Variants in CMIP observed in about 807,000 individuals in gnomAD.
CMIP encodes the protein c-Maf inducing protein, also known as C-Maf-inducing protein.
CMIP carries 13 observed loss-of-function variants against 97.3 expected under a neutral mutation model. The observed-to-expected ratio is 0.13, with a 90% confidence interval of 0.09 to 0.21. CMIP has a LOEUF of 0.21. CMIP is among the 10% of genes least tolerant of loss of function. The pLI is 1.00. For missense variants in CMIP, 847 were observed against 1,024.9 expected (o/e 0.83, Z 2.37); for synonymous variants, 538 against 436.3 (o/e 1.23, Z -2.91).
intron 1 of CMIP, among the ~76,000 whole-genome samples, chr16:81,563,354 G>A (rs894132164): frequency 6.6e-6 from 1 of 152,198 alleles, no homozygotes; most frequent in Non-Finnish European, 1.5e-5. Flanking sequence ...TCTGTTTTGT[G>A]GACTCCAGGC....
At chr16:81,651,562 A>C (rs888686252) in intron 3 of CMIP, 1 of 167,878 alleles carries the variant, frequency 6.0e-6, no homozygotes, top group Non-Finnish European at 1.2e-5. Context: ...CATGTTCCCT[A>C]GCTGACTACC....
At chr16:81,664,447 T>A in intron 7 of CMIP, 98 bp downstream of exon 7, 1 of 1,215,266 alleles carries the variant, frequency 8.2e-7, no homozygotes, top group Non-Finnish European at 1.2e-6. Context: ...TTGGGGAATG[T>A]GGTTGGCCCA....
At chr16:81,707,933 G>A (rs1295235475) in intron 20 of CMIP, among the ~76,000 whole-genome samples, 1 of 152,252 alleles carries the variant, frequency 6.6e-6, no homozygotes, top group African/African-American at 2.4e-5. Context: ...GGAATCCCCC[G>A]GCAGCCCTTG....
Position 81,614,126 on chromosome 16 carries a change from C to G in CMIP, c.426+6434C>G, listed in dbSNP as rs2091874765. On this transcript the variant is annotated intron_variant, in intron 2 of 20. Coordinates refer to ENST00000537098, the MANE Select transcript of CMIP (RefSeq NM_198390.3). This position sits in a 1 kb window ranked among gnomAD's most constrained non-coding sequence, Gnocchi z 5.3. Reference sequence around the variant, plus strand: ...CAGTCATTCTGGAGAAGTGGCATTTCAGGAGGGACCTGAAGTGTAAGTAGG... The same window carrying G: ...CAGTCATTCTGGAGAAGTGGCATTTGAGGAGGGACCTGAAGTGTAAGTAGG... Among the ~76,000 whole-genome samples, 1 of 152,078 alleles carries G rather than the reference C, an allele frequency of 6.6e-6. No individual in the cohort carries two copies. The highest frequency in any genetic ancestry group is 2.4e-5 in the African/African-American group (1 of 41,418).
intron 1 of CMIP, among the ~76,000 whole-genome samples, chr16:81,583,544 T>G (rs560834688): frequency 6.6e-6 from 1 of 152,306 alleles, no homozygotes; most frequent in South Asian, 2.1e-4. Context: ...AACTTGTCAA[T>G]AGAGTTTCTC....
In CMIP at chr16:81,645,560, C is replaced by T. The variant is rs1311257379; in HGVS notation, c.478-6643C>T. On this transcript the variant is annotated intron_variant, in intron 3 of 20. Coordinates refer to ENST00000537098, the MANE Select transcript of CMIP (RefSeq NM_198390.3). ...AGAACCCTGGCATATGTGCTTGCCT[C>T]TGCTGACAGTTGCCAGAGCGATGGC... The T allele has an allele frequency of 3.3e-6, 5 of 1,536,088 alleles. No homozygotes were observed. The South Asian group carries it at 3.6e-5, about 11-fold the overall frequency.
chr16:81,461,958 A>G lies in CMIP; in HGVS notation c.300+16417A>G, dbSNP rs536973440. Among the ~76,000 whole-genome samples, 7 of 152,324 alleles carry G rather than the reference A, an allele frequency of 4.6e-5. No homozygotes were observed. In the East Asian group the frequency reaches 1.4e-3, roughly 29 times the overall value. On this transcript the variant is annotated intron_variant, in intron 1 of 20. Coordinates refer to ENST00000537098, the MANE Select transcript of CMIP (RefSeq NM_198390.3). ...GCGGTGAGCTGCATAGGCAGTTCTC[A>G]TGGAGCTGGCTGCCCTCATAAAGAT...
intron 3 of CMIP, chr16:81,651,306 G>A (rs766502598): frequency 3.3e-5 from 13 of 399,898 alleles, no homozygotes; most frequent in Non-Finnish European, 4.4e-5. Context: ...CCAGACCTCC[G>A]CCTTCCGAGG....
At chr16:81,586,752 A>G (rs967422528) in intron 1 of CMIP, among the ~76,000 whole-genome samples, 7 of 152,118 alleles carry the variant, frequency 4.6e-5, no homozygotes, top group Non-Finnish European at 5.9e-5. Flanking sequence ...ACACATACAC[A>G]TGGAATTCTA....
intron 1 of CMIP, among the ~76,000 whole-genome samples, chr16:81,460,595 G>T (rs991945858): frequency 1.3e-5 from 2 of 152,244 alleles, no homozygotes; most frequent in Admixed American, 1.3e-4. Flanking sequence ...TGCTTCCCCT[G>T]TACGCTGCCC....
intron 3 of CMIP, among the ~76,000 whole-genome samples, chr16:81,629,631 G>A (rs2092126535): frequency 2.0e-5 from 3 of 152,330 alleles, no homozygotes; most frequent in African/African-American, 7.2e-5. Context: ...TGACCTTGCA[G>A]TTCTCCTCCG....
chr16:81,707,136 T>C, intron 20 of CMIP, 52 bp downstream of exon 20: 1 of 1,496,428 alleles, frequency 6.7e-7, no homozygotes. Flanking sequence ...CTAGCCAGCA[T>C]CTGGATGCTG....
intron 1 of CMIP, among the ~76,000 whole-genome samples, chr16:81,506,025 A>G (rs2089702922): frequency 6.6e-6 from 1 of 152,226 alleles, no homozygotes; most frequent in Admixed American, 6.5e-5. Context: ...CAGGAACAGT[A>G]AGAACTGCCG....
intron 1 of CMIP, among the ~76,000 whole-genome samples, chr16:81,598,691 G>A (rs978869206): frequency 1.3e-5 from 2 of 152,194 alleles, no homozygotes; most frequent in South Asian, 4.1e-4. Context: ...GTTCGGCTGG[G>A]CATGGTGGCT....
chr16:81,575,454 A>C lies in CMIP; in HGVS notation c.301-32113A>C, dbSNP rs8045241. ...GACACATGGCTACAGGGAGCAGAAA[A>C]CATTGTCCCGAGTCGAGTCCGTAGA... On this transcript the variant is annotated intron_variant, in intron 1 of 20. Coordinates refer to ENST00000537098, the MANE Select transcript of CMIP (RefSeq NM_198390.3). Among the ~76,000 whole-genome samples the C allele has an allele frequency of 5.8e-3, 879 of 152,212 alleles. 10 individuals carry two copies. Among genetic ancestry groups the C allele is most frequent in the African/African-American group, 0.02 (827 of 41,520 alleles).
At chr16:81,553,813 A>C (rs1288484114) in intron 1 of CMIP, among the ~76,000 whole-genome samples, 2 of 152,274 alleles carry the variant, frequency 1.3e-5, no homozygotes, top group Non-Finnish European at 1.5e-5. Flanking sequence ...TGAGCTTCTA[A>C]TTAGCAAAGA....
intron 1 of CMIP, among the ~76,000 whole-genome samples, chr16:81,575,858 C>G (rs1246712155): frequency 1.3e-5 from 2 of 152,202 alleles, no homozygotes; most frequent in East Asian, 3.8e-4. Flanking sequence ...GACACAGGTT[C>G]TGGCTCTAAG....
intron 1 of CMIP, among the ~76,000 whole-genome samples, chr16:81,492,916 G>C (rs990013625): frequency 2.0e-5 from 3 of 152,152 alleles, no homozygotes; most frequent in Non-Finnish European, 2.9e-5. Context: ...CAGACACACA[G>C]AGAGAAGGGA....
intron 7 of CMIP, among the ~76,000 whole-genome samples, 194 bp from the exon 8 acceptor site, chr16:81,669,948 C>T (rs906086240): frequency 3.3e-5 from 5 of 152,234 alleles, no homozygotes; most frequent in African/African-American, 9.6e-5. Flanking sequence ...AGAGTGGAAG[C>T]GCGGGTGTCG....
Sources: gnomAD v4.1 joint callset for allele counts (sites outside exome capture counted in the v4.1 genomes callset) on GRCh38, gnomAD v4.1.1 for gene constraint, Gnocchi (gnomAD v3.1) non-coding constraint, MANE v1.5 for transcripts, NCBI Gene and HGNC (gene_info 2026-07-23, HGNC 2026-07-21) for gene names.